The following UTRN variants were observed in gnomAD, a reference collection of about 807,000 sequenced individuals.
The protein encoded by UTRN is dystrophin-related protein 1.
Under a neutral mutation model 463.9 loss-of-function variants are expected in UTRN, and 283 were observed. The ratio of observed to expected loss-of-function variants is 0.61; its 90% CI spans 0.55 to 0.67. The LOEUF (loss-of-function observed/expected upper bound fraction) is 0.67, where lower values mean the gene tolerates loss of function less well. Ranked by LOEUF, UTRN falls within the 30% of genes least tolerant of loss-of-function variation. UTRN has a pLI of 0.00. For synonymous variants in UTRN, 1,442 were observed against 1,431.5 expected (o/e 1.01, Z -0.17); for missense variants, 3,922 against 4,084.3 (o/e 0.96, Z 1.08).
At chr6:144,700,330 T>A in intron 53 of UTRN, 87 bp downstream of exon 53, 1 of 1,414,836 alleles carries the variant, frequency 7.1e-7, no homozygotes, top group Non-Finnish European at 9.3e-7. Flanking sequence ...GTATCAGAGT[T>A]GAACCAATTA....
intron 2 of UTRN, among the ~76,000 whole-genome samples, chr6:144,341,223 T>C (rs1777116571): frequency 6.6e-6 from 1 of 152,254 alleles, no homozygotes; most frequent in South Asian, 2.1e-4. Context: ...TGAGTCATAT[T>C]ATTAATACAT....
intron 33 of UTRN, among the ~76,000 whole-genome samples, chr6:144,496,623 G>A (rs1327711539): frequency 1.3e-5 from 2 of 152,172 alleles, no homozygotes. Context: ...ATTATACAAG[G>A]AGACAGTGAT....
Position 144,748,512 on chromosome 6 carries a change from A to G in UTRN, c.8206A>G (p.Met2736Val), listed in dbSNP as rs751067653. 1.2e-6 allele frequency: 2 copies of G among 1,611,420 alleles called. No homozygotes were observed. The highest frequency in any genetic ancestry group is 8.5e-7 in the Non-Finnish European group (1 of 1,179,124). ...GCTGCAGGATCACATTGAAAAAATC[A>G]TGGTCAGCATCATTGTCTTTGAAGG... ...DSLQDHIEKI[M>V]AFREEIAPIN... Residue 2736 changes from methionine (M) to valine (V), a missense_variant and splice_region_variant, in exon 55 of 75, where the codon ATG becomes GTG. By Grantham distance (21) the Met-to-Val change is conservative. Coordinates refer to ENST00000367545, the MANE Select transcript of UTRN (RefSeq NM_007124.3).
At chr6:144,403,088 T>C (rs764192351) in intron 2 of UTRN, 35 bp from the exon 3 acceptor site, 4 of 1,592,638 alleles carry the variant, frequency 2.5e-6, no homozygotes. Flanking sequence ...CAGACTCTCA[T>C]ACTTTTTCCT....
At chr6:144,511,161 C>T in intron 35 of UTRN, 38 bp downstream of exon 35, 4 of 1,433,210 alleles carry the variant, frequency 2.8e-6, no homozygotes, top group Non-Finnish European at 3.7e-6. Flanking sequence ...AAATCTTCTC[C>T]TCTCTTCTAG....
chr6:144,309,401 T>TGATCTCCC (rs1806045030), intron 2 of UTRN, among the ~76,000 whole-genome samples: 1 of 152,240 alleles, frequency 6.6e-6, no homozygotes, highest in South Asian at 2.1e-4. Flanking sequence ...TCTGAACTCC[T>TGATCTCCC]GATCTCCCGT....
chr6:144,378,474 A>G (rs915826569), intron 2 of UTRN, among the ~76,000 whole-genome samples: 2 of 152,240 alleles, frequency 1.3e-5, no homozygotes, highest in Admixed American at 6.5e-5. Context: ...AGACTGGAGG[A>G]GTCGTCCAGA....
intron 52 of UTRN, among the ~76,000 whole-genome samples, chr6:144,680,178 A>G (rs1385399450): frequency 6.6e-6 from 1 of 152,192 alleles, no homozygotes; most frequent in East Asian, 1.9e-4. Flanking sequence ...GATGGTATAC[A>G]TGGTGCTGGG....
At chr6:144,367,649 A>T (rs1779623688) in intron 2 of UTRN, among the ~76,000 whole-genome samples, 2 of 152,224 alleles carry the variant, frequency 1.3e-5, no homozygotes, top group African/African-American at 4.8e-5. Context: ...TTTTGTTCTT[A>T]TATGGATAAA....
chr6:144,473,019 G>A (rs1364140006), intron 23 of UTRN, among the ~76,000 whole-genome samples: 1 of 152,030 alleles, frequency 6.6e-6, no homozygotes, highest in East Asian at 1.9e-4. Context: ...CGTAGCCTGG[G>A]CCTCCTAAAG....
chr6:144,820,977 C>T lies in UTRN; in HGVS notation c.9453C>T (p.Tyr3151=), dbSNP rs924786738. 2.5e-6 allele frequency: 4 copies of T among 1,613,778 alleles called. No homozygotes were observed. Among genetic ancestry groups the T allele is most frequent in the South Asian group, 2.2e-5 (2 of 91,064 alleles). ...KYFAKHPRLG[Y]LPVQTVLEGD... is the part of the protein sequence containing the mutation. ...TTGCCAAACACCCTCGACTTGGTTA[C>T]CTGCCTGTCCAGACAGTTCTTGAAG... is the stretch of plus-strand genomic sequence containing the variant. Residue 3151 remains tyrosine (Y), a synonymous_variant, in exon 66 of 75, where the codon TAC becomes TAT. Coordinates refer to ENST00000367545, the MANE Select transcript of UTRN (RefSeq NM_007124.3).
At chr6:144,595,342 C>T (rs1385853042) in intron 51 of UTRN, among the ~76,000 whole-genome samples, 1 of 152,170 alleles carries the variant, frequency 6.6e-6, no homozygotes, top group African/African-American at 2.4e-5. Flanking sequence ...ACAATATTTA[C>T]CTACATTTGA....
chr6:144,374,772 G>A (rs1170027968), intron 2 of UTRN, among the ~76,000 whole-genome samples: 1 of 151,248 alleles, frequency 6.6e-6, no homozygotes, highest in East Asian at 2.0e-4. Flanking sequence ...GTGAGCTACC[G>A]CGCCCAGCCT....
At chr6:144,367,684 G>A (rs190163507) in intron 2 of UTRN, among the ~76,000 whole-genome samples, 1 of 152,230 alleles carries the variant, frequency 6.6e-6, no homozygotes, top group African/African-American at 2.4e-5. Flanking sequence ...ATTTTTCAAG[G>A]AGAAACTTAT....
intron 51 of UTRN, among the ~76,000 whole-genome samples, chr6:144,584,534 A>G (rs759408810): frequency 1.3e-5 from 2 of 152,066 alleles, no homozygotes; most frequent in Non-Finnish European, 2.9e-5. Context: ...TTTTCTGATG[A>G]TATACAGTAT....
chr6:144,372,916 G>A (rs771534735), intron 2 of UTRN, among the ~76,000 whole-genome samples: 1 of 152,146 alleles, frequency 6.6e-6, no homozygotes, highest in Non-Finnish European at 1.5e-5. Context: ...CCCATGAAAA[G>A]ATGGTCAACA....
At chr6:144,620,316 ATG>A (rs1775222839) in intron 51 of UTRN, among the ~76,000 whole-genome samples, 2 of 152,106 alleles carry the variant, frequency 1.3e-5, no homozygotes, top group African/African-American at 4.8e-5. Flanking sequence ...TTTAACTCTG[ATG>A]CCTGGGTAAA....
At position 144,438,917 on chromosome 6, in the gene UTRN, T is replaced by C. The variant is rs200719374; in HGVS notation, c.1392+22T>C. The C allele has an allele frequency of 2.0e-5, 33 of 1,612,102 alleles. 1 individual carries two copies. The highest frequency in any genetic ancestry group is 1.7e-5 in the Admixed American group (1 of 59,938). ...TAAAGTAAATCTGTCTCATATTTCT[T>C]CGATACCTTATCAAATATGAAAGAG... On this transcript the variant is annotated intron_variant, in intron 12 of 74. Transcript: ENST00000367545.
intron 30 of UTRN, among the ~76,000 whole-genome samples, chr6:144,489,052 T>TTTTATTTTA (rs1353521696): frequency 2.6e-5 from 4 of 151,552 alleles, no homozygotes; most frequent in African/African-American, 7.3e-5. Context: ...TTTTATTTTA[T>TTTTATTTTA]TTTATTTATT....
Sources: allele counts gnomAD v4.1 joint callset (sites outside exome capture counted in the v4.1 genomes callset), GRCh38; gene constraint gnomAD v4.1.1; transcripts MANE v1.5; gene names NCBI Gene and HGNC (gene_info 2026-07-23, HGNC 2026-07-21).